CNIH3: variants seen among roughly 807,000 people sequenced by gnomAD.
CNIH3 encodes the protein protein cornichon homolog 3.
Under a neutral mutation model 24.1 loss-of-function variants are expected in CNIH3, and 14 were observed. The ratio of observed to expected loss-of-function variants is 0.58; its 90% CI spans 0.38 to 0.91. The LOEUF (loss-of-function observed/expected upper bound fraction) is 0.91. Among genes scored for constraint, CNIH3 ranks in the 40% least tolerant of loss-of-function variants. CNIH3 has a pLI of 0.00. For missense variants in CNIH3, 178 were observed against 196.8 expected (o/e 0.90, Z 0.57); for synonymous variants, 68 against 73.8 (o/e 0.92, Z 0.40).
intron 3 of CNIH3, among the ~76,000 whole-genome samples, chr1:224,690,670 T>A (rs1686886664): frequency 6.6e-6 from 1 of 152,266 alleles, no homozygotes; most frequent in African/African-American, 2.4e-5. Flanking sequence ...CCAGTCCCAC[T>A]GCAGGTTTTC....
intron 1 of CNIH3, among the ~76,000 whole-genome samples, chr1:224,444,582 G>C (rs377671511): frequency 6.6e-6 from 1 of 151,160 alleles, no homozygotes; most frequent in Non-Finnish European, 1.5e-5. Flanking sequence ...ACTCCTGACC[G>C]TGTGATCCAC....
upstream of CNIH3, among the ~76,000 whole-genome samples, chr1:224,514,505 T>C (rs1678299066): frequency 6.6e-6 from 1 of 152,206 alleles, no homozygotes; most frequent in Admixed American, 6.5e-5. Flanking sequence ...GGAAAATTGC[T>C]ATTTTTCAAA....
chr1:224,552,893 A>G (rs906571658), intron 3 of CNIH3, among the ~76,000 whole-genome samples: 1 of 151,106 alleles, frequency 6.6e-6, no homozygotes, highest in African/African-American at 2.4e-5. Context: ...GATATTATGA[A>G]TAATATCACA....
At chr1:224,610,431 G>A (rs1024508388) in intron 3 of CNIH3, among the ~76,000 whole-genome samples, 10 of 152,158 alleles carry the variant, frequency 6.6e-5, no homozygotes, top group Non-Finnish European at 1.2e-4. Context: ...AAGATCTGAT[G>A]GTTTAAAAGT....
chr1:224,724,237 A>G (rs538145675), intron 3 of CNIH3, among the ~76,000 whole-genome samples: 1 of 152,212 alleles, frequency 6.6e-6, no homozygotes, highest in Non-Finnish European at 1.5e-5. Context: ...AAGTCGACCC[A>G]ACCCAAGTCC....
intron 3 of CNIH3, among the ~76,000 whole-genome samples, chr1:224,696,215 G>T (rs1214025676): frequency 6.6e-6 from 1 of 152,180 alleles, no homozygotes; most frequent in South Asian, 2.1e-4. Context: ...TGGACCATGA[G>T]GACATCACAT....
intron 1 of CNIH3, among the ~76,000 whole-genome samples, chr1:224,636,811 C>G (rs967815647): frequency 6.6e-6 from 1 of 152,098 alleles, no homozygotes; most frequent in African/African-American, 2.4e-5. Flanking sequence ...CAGCCAATCT[C>G]CATATTTAAG....
intron 3 of CNIH3, among the ~76,000 whole-genome samples, chr1:224,597,297 G>A (rs1682027282): frequency 6.6e-6 from 1 of 151,786 alleles, no homozygotes; most frequent in Non-Finnish European, 1.5e-5. Context: ...TTCTGTCTTC[G>A]AGCTGGCCAT....
chr1:224,454,428 C>G (rs1015487148), intron 1 of CNIH3: 1 of 593,772 alleles, frequency 1.7e-6, no homozygotes, highest in African/African-American at 2.0e-5. Flanking sequence ...AACCAGTTCT[C>G]TCTTGTTTCT....
intron 1 of CNIH3, among the ~76,000 whole-genome samples, chr1:224,446,787 G>A (rs896344188): frequency 2.6e-5 from 4 of 152,130 alleles, no homozygotes; most frequent in African/African-American, 7.2e-5. Context: ...GGGAAGAGGG[G>A]GATTCAAAGA....
At chr1:224,480,705 C>T (rs1405037910) in intron 1 of CNIH3, among the ~76,000 whole-genome samples, 2 of 152,156 alleles carry the variant, frequency 1.3e-5, no homozygotes, top group Non-Finnish European at 2.9e-5. Context: ...GTCATTTTTG[C>T]CCCAGTTCCC....
intron 1 of CNIH3, among the ~76,000 whole-genome samples, chr1:224,657,350 T>A (rs1685145404): frequency 6.6e-6 from 1 of 152,094 alleles, no homozygotes; most frequent in Admixed American, 6.6e-5. Flanking sequence ...ATACAAAGCA[T>A]ATATTAAGCC....
chr1:224,635,171 C>G (rs58158731), intron 1 of CNIH3, among the ~76,000 whole-genome samples: 48,605 of 151,446 alleles, frequency 0.32, 10,031 homozygotes, highest in African/African-American at 0.59. Context: ...TGGCGGGGGT[C>G]GGGGGGAACT....
upstream of CNIH3, among the ~76,000 whole-genome samples, chr1:224,614,018 A>ACAGGT (rs1682825461): frequency 6.6e-6 from 1 of 152,092 alleles, no homozygotes; most frequent in African/African-American, 2.4e-5. Flanking sequence ...AGCTGGGACT[A>ACAGGT]CAGGTGCATG....
intron 1 of CNIH3, among the ~76,000 whole-genome samples, chr1:224,520,343 A>T (rs1380704628): frequency 1.3e-5 from 2 of 152,178 alleles, no homozygotes; most frequent in East Asian, 3.8e-4. Flanking sequence ...AGCTTTGTCG[A>T]TATAAGCGAT....
chr1:224,516,901 T>C (rs541175157), intron 1 of CNIH3, among the ~76,000 whole-genome samples: 1 of 152,238 alleles, frequency 6.6e-6, no homozygotes, highest in Non-Finnish European at 1.5e-5. Flanking sequence ...TTTTTGTTTT[T>C]AGGAGCTATA....
At chr1:224,469,302 G>A (rs1676273412) in intron 1 of CNIH3, among the ~76,000 whole-genome samples, 2 of 151,870 alleles carry the variant, frequency 1.3e-5, no homozygotes, top group African/African-American at 2.4e-5. Context: ...GGCTGGTCTT[G>A]AACTCCTGGA....
chr1:224,459,021 G>A (rs1675796833), intron 1 of CNIH3, among the ~76,000 whole-genome samples: 1 of 152,178 alleles, frequency 6.6e-6, no homozygotes, highest in Non-Finnish European at 1.5e-5. Flanking sequence ...AGCTCTCTTA[G>A]GGCACACCCT....
intron 1 of CNIH3, among the ~76,000 whole-genome samples, chr1:224,623,842 C>T (rs1683397054): frequency 6.6e-6 from 1 of 152,172 alleles, no homozygotes; most frequent in Non-Finnish European, 1.5e-5. Flanking sequence ...GCAGGTCCAC[C>T]CGTCCCCACC....
Sources: gnomAD v4.1 joint callset for allele counts (sites outside exome capture counted in the v4.1 genomes callset) on GRCh38, gnomAD v4.1.1 for gene constraint, MANE v1.5 for transcripts, NCBI Gene and HGNC (gene_info 2026-07-23, HGNC 2026-07-21) for gene names.